ELP4: variants seen among roughly 807,000 people sequenced by gnomAD.
ELP4 encodes the protein elongator complex protein 4.
ELP4 carries 51 observed loss-of-function variants against 48.9 expected under a neutral mutation model. The observed-to-expected ratio is 1.04, with a 90% CI of 0.83 to 1.32. ELP4 has a LOEUF of 1.32. ELP4 is among the 40% of genes most tolerant of loss of function. The probability of loss-of-function intolerance (pLI) is 0.00; values close to 1 mark genes in which losing one functional copy is unlikely to be tolerated. For missense variants in ELP4, 519 were observed against 514.6 expected (o/e 1.01, Z -0.08); for synonymous variants, 210 against 189.2 (o/e 1.11, Z -0.90).
Position 31,603,803 on chromosome 11 carries a change from T to C in ELP4, c.549T>C (p.Tyr183=). 6.2e-7 allele frequency: 1 copy of C among 1,611,218 alleles called. No individual in the cohort carries two copies. The highest frequency in any genetic ancestry group is 8.5e-7 in the Non-Finnish European group (1 of 1,178,026). Residue 183 remains tyrosine (Y), a synonymous_variant, in exon 5 of 10, where the codon TAT becomes TAC. Coordinates refer to ENST00000640961, the MANE Select transcript of ELP4 (RefSeq NM_019040.5). ...GPVSSSRFGH[Y]YDASKRMPQE... is the part of the protein sequence containing the mutation. ...TATCATCTTCAAGATTTGGTCACTA[T>C]TATGATGCATCAAAAAGAATGCCAC...
At chr11:31,695,594 A>T (rs1478287023) in intron 9 of ELP4, among the ~76,000 whole-genome samples, 1 of 151,020 alleles carries the variant, frequency 6.6e-6, no homozygotes, top group African/African-American at 2.4e-5. Context: ...ATAGATGTTC[A>T]TCAGGGATAT....
chr11:31,615,848 G>A (rs1944468341), intron 5 of ELP4, among the ~76,000 whole-genome samples: 1 of 151,922 alleles, frequency 6.6e-6, no homozygotes, highest in Non-Finnish European at 1.5e-5. Context: ...GTTCCATCTA[G>A]TCATCCCACC....
At chr11:31,767,091 A>G (rs1024580712) in intron 9 of ELP4, 2 of 152,220 alleles carry the variant, frequency 1.3e-5, no homozygotes, top group African/African-American at 4.8e-5. Flanking sequence ...GAAATTCAAA[A>G]ATATGTATGT....
chr11:31,632,058 C>T (rs756710337), intron 6 of ELP4, among the ~76,000 whole-genome samples, 159 bp from the exon 7 acceptor site: 51 of 151,956 alleles, frequency 3.4e-4, no homozygotes, highest in South Asian at 4.1e-4. Flanking sequence ...TAAACAGTTT[C>T]ATTTATACTG....
intron 2 of ELP4, among the ~76,000 whole-genome samples, chr11:31,526,409 A>G (rs953636540): frequency 1.3e-5 from 2 of 152,078 alleles, no homozygotes; most frequent in African/African-American, 4.8e-5. Flanking sequence ...AACACTGGCC[A>G]GAAAACTTTT....
chr11:31,649,001 T>C (rs1945264939), intron 8 of ELP4: 2 of 151,872 alleles, frequency 1.3e-5, no homozygotes, highest in South Asian at 4.1e-4. Context: ...CTAATAAATA[T>C]ATTTTACTAA....
At chr11:31,720,639 A>T (rs902854290) in intron 9 of ELP4, among the ~76,000 whole-genome samples, 16 of 152,338 alleles carry the variant, frequency 1.1e-4, no homozygotes, top group African/African-American at 3.8e-4. Flanking sequence ...GTTAACTGAG[A>T]GGAGTACTAA....
intron 9 of ELP4, among the ~76,000 whole-genome samples, chr11:31,751,283 C>A (rs1349261437): frequency 6.6e-6 from 1 of 152,224 alleles, no homozygotes; most frequent in Non-Finnish European, 1.5e-5. Context: ...TTATTTCATG[C>A]ATCAAGCCTC....
chr11:31,787,391 A>G lies in ELP4; in HGVS notation c.*3867A>G, dbSNP rs1948731102. 4.3e-6 allele frequency: 1 copy of G among 233,378 alleles called. No homozygotes were observed. Among genetic ancestry groups the G allele is most frequent in the African/African-American group, 2.2e-5 (1 of 45,472 alleles). 14.5% of individuals were successfully genotyped at this position (233,378 alleles called of 1,614,324 possible). ...CCTGGCGTGCGACATCCGGGTCTCC[A>G]AAGTCTCTGCTGTCTACACAACAGA... On this transcript the variant is annotated 3_prime_UTR_variant, in exon 10 of 10. Transcript: ENST00000640961.
intron 2 of ELP4, among the ~76,000 whole-genome samples, chr11:31,521,983 A>G (rs149133696): frequency 3.5e-3 from 527 of 152,272 alleles, no homozygotes; most frequent in Non-Finnish European, 5.5e-3. Flanking sequence ...ATACAATATA[A>G]TCTTCTGGAA....
intron 3 of ELP4, among the ~76,000 whole-genome samples, chr11:31,567,073 GGCATGC>G (rs1957124956): frequency 6.6e-6 from 1 of 151,828 alleles, no homozygotes; most frequent in Non-Finnish European, 1.5e-5. Flanking sequence ...TGGGATTACA[GGCATGC>G]GCCACCACCG....
At chr11:31,533,080 G>A (rs761707130) in intron 2 of ELP4, among the ~76,000 whole-genome samples, 2 of 151,820 alleles carry the variant, frequency 1.3e-5, no homozygotes, top group African/African-American at 4.8e-5. Flanking sequence ...CCGGCCACAA[G>A]TACAGATTTT....
intron 5 of ELP4, among the ~76,000 whole-genome samples, chr11:31,614,663 G>A (rs1426443136): frequency 6.6e-6 from 1 of 152,070 alleles, no homozygotes; most frequent in Admixed American, 6.6e-5. Flanking sequence ...CCAGTAGTGG[G>A]GATGATCAAA....
chr11:31,760,000 G>A (rs554568695), intron 9 of ELP4, among the ~76,000 whole-genome samples: 12 of 152,136 alleles, frequency 7.9e-5, no homozygotes, highest in South Asian at 2.1e-4. Context: ...CACTATGGTC[G>A]GTCAGTGTTT....
At chr11:31,552,928 A>G (rs944136402) in intron 3 of ELP4, among the ~76,000 whole-genome samples, 2 of 152,136 alleles carry the variant, frequency 1.3e-5, no homozygotes, top group Admixed American at 6.6e-5. Flanking sequence ...GCATGCTCCA[A>G]AATTAGGGCC....
intron 9 of ELP4, among the ~76,000 whole-genome samples, chr11:31,693,632 G>T (rs1420285334): frequency 6.6e-6 from 1 of 152,172 alleles, no homozygotes; most frequent in East Asian, 1.9e-4. Flanking sequence ...ACGTGTGCAT[G>T]TGTCTTTATA....
intron 9 of ELP4, among the ~76,000 whole-genome samples, chr11:31,685,515 G>A (rs1007509143): frequency 2.6e-5 from 4 of 152,166 alleles, no homozygotes; most frequent in Non-Finnish European, 4.4e-5. Flanking sequence ...CAAGAAGAGT[G>A]TAGTGATTTA....
intron 3 of ELP4, among the ~76,000 whole-genome samples, chr11:31,566,490 G>A (rs892068888): frequency 2.9e-4 from 44 of 151,840 alleles, no homozygotes; most frequent in African/African-American, 1.0e-3. Context: ...TCAAATTTTT[G>A]GCTAAAAGAA....
At chr11:31,697,278 C>T (rs565751938) in intron 9 of ELP4, among the ~76,000 whole-genome samples, 1 of 152,286 alleles carries the variant, frequency 6.6e-6, no homozygotes, top group East Asian at 1.9e-4. Flanking sequence ...TCTTCGTTTC[C>T]ATTTCCAGTA....
Sources: allele counts gnomAD v4.1 joint callset (sites outside exome capture counted in the v4.1 genomes callset), GRCh38; gene constraint gnomAD v4.1.1; transcripts MANE v1.5; gene names NCBI Gene and HGNC (gene_info 2026-07-23, HGNC 2026-07-21).